The following ADARB2 variants were observed in gnomAD, a reference collection of about 807,000 sequenced individuals.
ADARB2 encodes the protein adenosine deaminase RNA specific B2 (inactive).
Under a neutral mutation model 62.2 loss-of-function variants are expected in ADARB2, and 25 were observed. The ratio of observed to expected loss-of-function variants is 0.40; its 90% CI spans 0.29 to 0.56. ADARB2 has a LOEUF of 0.56. ADARB2 is among the 20% of genes least tolerant of loss of function. The probability of loss-of-function intolerance (pLI) is 0.43; values close to 1 mark genes in which losing one functional copy is unlikely to be tolerated. For synonymous variants in ADARB2, 572 were observed against 500.8 expected (o/e 1.14, Z -1.90); for missense variants, 1,071 against 1,077.4 (o/e 0.99, Z 0.08).
At chr10:1,365,769 C>T (rs930147086) in intron 2 of ADARB2, among the ~76,000 whole-genome samples, 5 of 152,166 alleles carry the variant, frequency 3.3e-5, no homozygotes, top group African/African-American at 9.7e-5. Flanking sequence ...GAGATGCATC[C>T]TAGAGAAACC....
intron 1 of ADARB2, among the ~76,000 whole-genome samples, chr10:1,568,825 T>TCTATCTATCTAC (rs1459517199): frequency 1.5e-4 from 23 of 151,934 alleles, no homozygotes; most frequent in African/African-American, 5.3e-4. Context: ...TATCTATCTA[T>TCTATCTATCTAC]CTATCTATCT....
chr10:1,567,033 CTTTAG>C (rs962522122), intron 1 of ADARB2, among the ~76,000 whole-genome samples: 1 of 152,208 alleles, frequency 6.6e-6, no homozygotes, highest in Non-Finnish European at 1.5e-5. Context: ...ATTGTATTCT[CTTTAG>C]TTTAGACTTC....
At chr10:1,460,746 G>C (rs112371474) in intron 1 of ADARB2, among the ~76,000 whole-genome samples, 16 of 121,232 alleles carry the variant, frequency 1.3e-4, no homozygotes, top group Admixed American at 2.4e-4. Context: ...CCTGTGACCT[G>C]AGTTTACCTG....
In ADARB2 at chr10:1,233,834, TCGCG is replaced by T. The variant is rs1224000243; in HGVS notation, c.1369_1372del (p.Glu458ThrfsTer10). The T allele has an allele frequency of 1.9e-6, 3 of 1,613,594 alleles. No individual in the cohort carries two copies. The highest frequency in any genetic ancestry group is 2.5e-6 in the Non-Finnish European group (3 of 1,179,854). ...CACGAATATCGATCGCTCTGAGTCC[TCGCG>T]CCGCTTGCTAGGGTCACAAAGAGGT... On this transcript the variant is annotated frameshift_variant, in exon 6 of 10. Coordinates refer to ENST00000381312, the MANE Select transcript of ADARB2 (RefSeq NM_018702.4). LOFTEE classifies it high-confidence loss of function.
Position 1,617,370 on chromosome 10 carries a change from C to T in ADARB2, c.100+119681G>A, listed in dbSNP as rs12414720. Reference sequence around the variant, plus strand: ...CCGGCCTCAGAGGGCTGCATTCTGTCGCTAGATGTTTGTGTGCCCGTCCAG... The same window carrying T: ...CCGGCCTCAGAGGGCTGCATTCTGTTGCTAGATGTTTGTGTGCCCGTCCAG... On this transcript the variant is annotated intron_variant, in intron 1 of 9. Transcript: ENST00000381312. Among the ~76,000 whole-genome samples, 57 of 42,546 alleles carry T rather than the reference C, an allele frequency of 1.3e-3. 1 individual carries two copies. The highest frequency in any genetic ancestry group is 7.1e-3 in the South Asian group (7 of 984). 27.9% of individuals were successfully genotyped at this position (42,546 alleles called of 152,430 possible).
chr10:1,466,193 A>G (rs1588268600), intron 1 of ADARB2, among the ~76,000 whole-genome samples: 2 of 152,180 alleles, frequency 1.3e-5, no homozygotes, highest in South Asian at 4.1e-4. Flanking sequence ...GGGTGACATG[A>G]AGCTGGCCTC....
At chr10:1,600,319 C>T (rs1264018129) in intron 1 of ADARB2, among the ~76,000 whole-genome samples, 1 of 152,058 alleles carries the variant, frequency 6.6e-6, no homozygotes, top group Non-Finnish European at 1.5e-5. Flanking sequence ...GCCTTCATTG[C>T]CCGGGTCCAA....
chr10:1,310,994 C>T (rs554972389), intron 3 of ADARB2, among the ~76,000 whole-genome samples: 15 of 152,306 alleles, frequency 9.8e-5, no homozygotes, highest in African/African-American at 3.6e-4. Context: ...CATGATGTTG[C>T]CACTGGTCTG....
chr10:1,561,747 C>T (rs1000676565), intron 1 of ADARB2, among the ~76,000 whole-genome samples: 1 of 152,118 alleles, frequency 6.6e-6, no homozygotes, highest in Non-Finnish European at 1.5e-5. Flanking sequence ...GTCTGAGAGG[C>T]TCCTCCTGCC....
At chr10:1,583,712 T>C (rs1436035643) in intron 1 of ADARB2, among the ~76,000 whole-genome samples, 5 of 152,192 alleles carry the variant, frequency 3.3e-5, no homozygotes, top group African/African-American at 9.7e-5. Context: ...GCAAGTGATG[T>C]TGTGGATATC....
At chr10:1,454,562 A>C (rs763805186) in intron 1 of ADARB2, among the ~76,000 whole-genome samples, 1 of 152,228 alleles carries the variant, frequency 6.6e-6, no homozygotes, top group Non-Finnish European at 1.5e-5. Flanking sequence ...TCTACAATGG[A>C]AACTAAGCCA....
intron 3 of ADARB2, among the ~76,000 whole-genome samples, chr10:1,301,247 CTTAA>C (rs2131817379): frequency 6.6e-6 from 1 of 152,268 alleles, no homozygotes; most frequent in Admixed American, 6.5e-5. Context: ...AAAATGTTTA[CTTAA>C]TTCCGTTAAA....
At chr10:1,736,970 G>T in intron 1 of ADARB2, 81 bp downstream of exon 1, 3 of 1,429,238 alleles carry the variant, frequency 2.1e-6, no homozygotes, top group Non-Finnish European at 2.9e-6. Context: ...CAACGGACAA[G>T]CCCGGAGACC....
At chr10:1,536,523 G>A (rs954791481) in intron 1 of ADARB2, among the ~76,000 whole-genome samples, 38 of 152,180 alleles carry the variant, frequency 2.5e-4, no homozygotes, top group African/African-American at 8.4e-4. Flanking sequence ...CTGCACCTGC[G>A]TCTCCACGTT....
At position 1,350,077 on chromosome 10, in the gene ADARB2, G is replaced by T. The variant is rs143333875; in HGVS notation, c.1077+12951C>A. 4.8e-3 allele frequency among the ~76,000 whole-genome samples: 731 copies of T among 152,148 alleles called. 5 individuals carry two copies. The highest frequency in any genetic ancestry group is 0.015 in the African/African-American group (610 of 41,480). On this transcript the variant is annotated intron_variant, in intron 3 of 9. Coordinates refer to ENST00000381312, the MANE Select transcript of ADARB2 (RefSeq NM_018702.4). ...CTCTCGCCTGACCTAAAATCTAAGC[G>T]TCTTATTTTCTTCTGCAACACCACT...
intron 1 of ADARB2, among the ~76,000 whole-genome samples, chr10:1,510,113 T>TTTCTTTCTTTCC (rs1831910520): frequency 4.4e-5 from 3 of 67,430 alleles, no homozygotes; most frequent in Admixed American, 1.4e-4. Flanking sequence ...TCTTTCTCTC[T>TTTCTTTCTTTCC]TTCTTTCTTT....
At chr10:1,471,143 T>C (rs965483685) in intron 1 of ADARB2, among the ~76,000 whole-genome samples, 1 of 152,186 alleles carries the variant, frequency 6.6e-6, no homozygotes. Context: ...GGGGTGGTTT[T>C]TTCAACCTCA....
At position 1,426,974 on chromosome 10, in the gene ADARB2, C is replaced by T. The variant is rs1832898356; in HGVS notation, c.101-47814G>A. Among the ~76,000 whole-genome samples the T allele has an allele frequency of 6.6e-6, 1 of 152,254 alleles. No individual in the cohort carries two copies. Among genetic ancestry groups the T allele is most frequent in the South Asian group, 2.1e-4 (1 of 4,838 alleles). On this transcript the variant is annotated intron_variant, in intron 1 of 9. Transcript: ENST00000381312. This position sits in a 1 kb window ranked among gnomAD's most constrained non-coding sequence, Gnocchi z 4.1. ...AGAGGCCACAGAGCTATGTGTCGGCCCCACGCTTGGGCAGACCACTGCAGG... is the reference window on the plus strand; with the variant it reads ...AGAGGCCACAGAGCTATGTGTCGGCTCCACGCTTGGGCAGACCACTGCAGG...
chr10:1,199,221 C>A (rs565365647), intron 8 of ADARB2, among the ~76,000 whole-genome samples: 1 of 152,102 alleles, frequency 6.6e-6, no homozygotes, highest in Non-Finnish European at 1.5e-5. Context: ...CCCACCCCCC[C>A]GCTTCCCGCT....
Sources: allele counts gnomAD v4.1 joint callset (sites outside exome capture counted in the v4.1 genomes callset), GRCh38; gene constraint gnomAD v4.1.1; non-coding constraint Gnocchi (gnomAD v3.1); transcripts MANE v1.5; gene names NCBI Gene and HGNC (gene_info 2026-07-23, HGNC 2026-07-21).